Variants in PEX12 observed in about 807,000 individuals in gnomAD.
The protein encoded by PEX12 is peroxisomal biogenesis factor 12.
In PEX12, 31 loss-of-function variants were observed where a neutral mutation model predicts 32.5. That is an observed-to-expected ratio of 0.95 (90% CI 0.72 to 1.29). The LOEUF (loss-of-function observed/expected upper bound fraction) is 1.29. Ranked by LOEUF, PEX12 falls within the 50% of genes most tolerant of loss-of-function variation. The probability of loss-of-function intolerance (pLI) is 0.00; values close to 1 mark genes in which losing one functional copy is unlikely to be tolerated. For synonymous variants in PEX12, 148 were observed against 157.2 expected, an observed-to-expected ratio of 0.94 and a Z score of 0.44; for missense variants, 359 against 419.0, an observed-to-expected ratio of 0.86 and a Z score of 1.25.
intron 2 of PEX12, 91 bp downstream of exon 2, chr17:35,576,947 A>G: frequency 1.8e-6 from 2 of 1,120,242 alleles, no homozygotes; most frequent in Non-Finnish European, 2.7e-6. Context: ...ATGAAATGCC[A>G]CAAAGTTAAC....
At chr17:35,577,710 C>A in intron 1 of PEX12, 119 bp from the exon 2 acceptor site, 4 of 1,298,836 alleles carry the variant, frequency 3.1e-6, no homozygotes, top group Non-Finnish European at 4.4e-6. Context: ...CACTGTTGGA[C>A]CCTGAAATGC....
At position 35,578,168 on chromosome 17, in the gene PEX12, G is replaced by A. The variant is rs559905700; in HGVS notation, c.-147C>T. Reference sequence around the variant, plus strand: ...TGAAACTCGAAACTCAATCTTATGGGCAAAAATGAACTGGGAAAAAAAGAC... The same window carrying A: ...TGAAACTCGAAACTCAATCTTATGGACAAAAATGAACTGGGAAAAAAAGAC... On this transcript the variant is annotated 5_prime_UTR_variant, in exon 1 of 3. Coordinates refer to ENST00000225873, the MANE Select transcript of PEX12 (RefSeq NM_000286.3). The A allele has an allele frequency of 2.4e-5, 25 of 1,032,602 alleles. No individual in the cohort carries two copies. The African/African-American group carries it at 3.6e-4, about 15-fold the overall frequency. The allele number at this position is 1,032,602 out of a possible 1,614,324, so 64.0% of individuals were successfully genotyped here.
At position 35,575,839 on chromosome 17, in the gene PEX12, G is replaced by A; in HGVS notation, c.1023C>T (p.Ile341=). 1 of 1,614,186 alleles carries A rather than the reference G, an allele frequency of 6.2e-7. No individual in the cohort carries two copies. The highest frequency in any genetic ancestry group is 8.5e-7 in the Non-Finnish European group (1 of 1,179,998). Reference sequence around the variant, plus strand: ...GTTGTACTTCTGTTGGATAACCTGTGATGGGACAAGCTTGGTGACTCCTCA... The same window carrying A: ...GTTGTACTTCTGTTGGATAACCTGTAATGGGACAAGCTTGGTGACTCCTCA... ...HYVRSHQACP[I]TGYPTEVQHL... The change falls in exon 3 of 3, where the codon ATC becomes ATT. Residue 341 remains isoleucine, a synonymous_variant. Coordinates refer to ENST00000225873, the MANE Select transcript of PEX12 (RefSeq NM_000286.3).
chr17:35,577,040 C>G lies in PEX12; in HGVS notation c.678G>C (p.Arg226Ser). 2 of 1,613,860 alleles carry G rather than the reference C, an allele frequency of 1.2e-6. No individual in the cohort carries two copies. The highest frequency in any genetic ancestry group is 1.7e-6 in the Non-Finnish European group (2 of 1,179,976). ...AKASMMQQPARSVSEKINSAL... is the reference protein window; with the variant it reads ...AKASMMQQPASSVSEKINSAL... ...TTTTGGAAATGTTAAGGCCTTACCT[C>G]CTGGCTGGTTGCTGCATCATGCTGG... Residue 226 changes from arginine (R) to serine (S), a missense_variant and splice_region_variant, in exon 2 of 3, where the codon AGG becomes AGC. Physicochemically the swap from Arg to Ser is moderately radical, Grantham distance 110. Coordinates refer to ENST00000225873, the MANE Select transcript of PEX12 (RefSeq NM_000286.3).
Position 35,577,188 on chromosome 17 carries a change from T to G in PEX12, c.530A>C (p.Gln177Pro), listed in dbSNP as rs774653352. 1 of 1,614,106 alleles carries G rather than the reference T, an allele frequency of 6.2e-7. No homozygotes were observed. ...TTTTCCTAGGATGTATCGAAGTTGT[T>G]GTACAAGAAACCATCCTTCCCAGGC... ...NMAWEGWFLV[Q>P]QLRYILGKAQ... Residue 177 changes from glutamine to proline, a missense_variant, in exon 2 of 3, where the codon CAA becomes CCA. Coordinates refer to ENST00000225873, the MANE Select transcript of PEX12 (RefSeq NM_000286.3).
chr17:35,578,153 A>G lies in PEX12; in HGVS notation c.-132T>C. 1.7e-6 allele frequency: 2 copies of G among 1,179,356 alleles called. No individual in the cohort carries two copies. The highest frequency in any genetic ancestry group is 3.7e-5 in the Admixed American group (2 of 54,490). The allele number at this position is 1,179,356 out of a possible 1,614,324, so 73.1% of individuals were successfully genotyped here. On this transcript the variant is annotated 5_prime_UTR_variant, in exon 1 of 3. Transcript: ENST00000225873. ...TTTCTGCATGATATCTGAAACTCGA[A>G]ACTCAATCTTATGGGCAAAAATGAA...
In PEX12 at chr17:35,576,246, C is replaced by G. The variant is rs533141936; in HGVS notation, c.681-65G>C. 2.0e-5 allele frequency: 30 copies of G among 1,485,122 alleles called. No homozygotes were observed. In the African/African-American group the frequency reaches 4.1e-4, roughly 20 times the overall value. 92.0% of individuals were successfully genotyped at this position (1,485,122 alleles called of 1,614,324 possible). A position where few individuals can be genotyped will look rare whatever the true frequency, so the allele number is the denominator to read the frequency against. Reference sequence around the variant, plus strand: ...TTATTTAGGTATCATTACAAAGTGACTAATATAAATGCAATTCTTACATTT... The same window carrying G: ...TTATTTAGGTATCATTACAAAGTGAGTAATATAAATGCAATTCTTACATTT... On this transcript the variant is annotated intron_variant, in intron 2 of 2. Coordinates refer to ENST00000225873, the MANE Select transcript of PEX12 (RefSeq NM_000286.3).
rs892593344 is a variant in PEX12 at position 35,575,162 on chromosome 17, A to T, written c.*620T>A. 3 of 154,296 alleles carry T rather than the reference A, an allele frequency of 1.9e-5. No individual in the cohort carries two copies. The highest frequency in any genetic ancestry group is 1.9e-4 in the Admixed American group (3 of 15,666). 9.6% of individuals were successfully genotyped at this position (154,296 alleles called of 1,614,324 possible). A position where few individuals can be genotyped will look rare whatever the true frequency, so the allele number is the denominator to read the frequency against. The stretch of plus-strand genomic sequence containing the variant: ...AGCTCATAAAGGAATATCCTCAAAT[A>T]TCCTAAATATCCAACTTTTAAAATA... On this transcript the variant is annotated 3_prime_UTR_variant, in exon 3 of 3. Transcript: ENST00000225873.
rs762789314 is a variant in PEX12, at chr17:35,575,969, G to A, written c.893C>T (p.Pro298Leu). ...CAGTGGGCACACAGTCTTCATTTTGGGTAAGAGGGGAGAATCAGAGTTATA... is the reference window on the plus strand; with the variant it reads ...CAGTGGGCACACAGTCTTCATTTTGAGTAAGAGGGGAGAATCAGAGTTATA... ...LDYNSDSPLL[P>L]KMKTVCPLCR... Residue 298 changes from proline to leucine, a missense_variant, in exon 3 of 3, where the codon CCC becomes CTC. By Grantham distance (98) the Pro-to-Leu change is moderately conservative. Transcript: ENST00000225873. The A allele has an allele frequency of 1.2e-6, 2 of 1,614,034 alleles. No homozygotes were observed. Among genetic ancestry groups the A allele is most frequent in the African/African-American group, 1.3e-5 (1 of 74,902 alleles).
Position 35,578,180 on chromosome 17 carries a change from T to TG in PEX12, c.-160dup, listed in dbSNP as rs2072799253. The TG allele has an allele frequency of 2.1e-6, 2 of 943,906 alleles. No homozygotes were observed. The highest frequency in any genetic ancestry group is 2.7e-5 in the East Asian group (1 of 37,138). The allele number at this position is 943,906 out of a possible 1,614,324, so 58.5% of individuals were successfully genotyped here. On this transcript the variant is annotated 5_prime_UTR_variant, in exon 1 of 3. Coordinates refer to ENST00000225873, the MANE Select transcript of PEX12 (RefSeq NM_000286.3). The stretch of plus-strand genomic sequence containing the variant: ...CTCAATCTTATGGGCAAAAATGAAC[T>TG]GGGAAAAAAAGACCTGGAGGCCGAG...
chr17:35,575,604 G>T lies in PEX12; in HGVS notation c.*178C>A. ...TCAACTGTAAGTAGGGTTCTAGAGA[G>T]CAGGCTAAAAGGTTAGGATCAAATG... On this transcript the variant is annotated 3_prime_UTR_variant, in exon 3 of 3. Transcript: ENST00000225873. 1 of 675,566 alleles carries T rather than the reference G, an allele frequency of 1.5e-6. No homozygotes were observed. Among genetic ancestry groups the T allele is most frequent in the African/African-American group, 1.8e-5 (1 of 56,548 alleles). The allele number at this position is 675,566 out of a possible 1,614,324, so 41.8% of individuals were successfully genotyped here. A position where few individuals can be genotyped will look rare whatever the true frequency, so the allele number is the denominator to read the frequency against.
In PEX12 at chr17:35,576,126, A is replaced by G. The variant is rs773175740; in HGVS notation, c.736T>C (p.Ser246Pro). The G allele has an allele frequency of 1.9e-6, 3 of 1,614,028 alleles. No homozygotes were observed. The highest frequency in any genetic ancestry group is 1.1e-5 in the South Asian group (1 of 91,094). ...LKKAVGGVAL[S>P]LSTGLSVGVF... is the part of the protein sequence containing the mutation. ...CCCACAGAAAGGCCAGTAGACAGGGATAAGGCAACACCCCCAACAGCTTTC... is the reference window on the plus strand; with the variant it reads ...CCCACAGAAAGGCCAGTAGACAGGGGTAAGGCAACACCCCCAACAGCTTTC... The change falls in exon 3 of 3, where the codon TCC becomes CCC. Residue 246 changes from serine to proline, a missense_variant. By Grantham distance (74) the Ser-to-Pro change is moderately conservative. Coordinates refer to ENST00000225873, the MANE Select transcript of PEX12 (RefSeq NM_000286.3).
chr17:35,577,318 C>T lies in PEX12; in HGVS notation c.400G>A (p.Val134Ile). 6.2e-7 allele frequency: 1 copy of T among 1,614,128 alleles called. No individual in the cohort carries two copies. Among genetic ancestry groups the T allele is most frequent in the Non-Finnish European group, 8.5e-7 (1 of 1,180,026 alleles). Residue 134 changes from valine to isoleucine, a missense_variant, in exon 2 of 3, where the codon GTT becomes ATT. Val to Ile is a conservative substitution (Grantham distance 29). Coordinates refer to ENST00000225873, the MANE Select transcript of PEX12 (RefSeq NM_000286.3). Reference protein sequence around the residue: ...PYLKVKLEKLVSSLREEDEYS... With the variant: ...PYLKVKLEKLISSLREEDEYS... ...TCATCCTCTTCTCTCAGGCTAGAAA[C>T]CAGCTTCTCCAGCTTCACTTTCAGA... is the stretch of plus-strand genomic sequence containing the variant.
chr17:35,577,949 C>G lies in PEX12; in HGVS notation c.73G>C (p.Ala25Pro), dbSNP rs762591605. Reference protein sequence around the residue: ...DDQPSIFEVVAQDSLMTAVRP... With the variant: ...DDQPSIFEVVPQDSLMTAVRP... ...ACTGCTGTCATTAAACTGTCCTGTGCTACCACCTCAAAGATGGATGGCTGG... is the reference window on the plus strand; with the variant it reads ...ACTGCTGTCATTAAACTGTCCTGTGGTACCACCTCAAAGATGGATGGCTGG... Residue 25 changes from alanine to proline, a missense_variant, in exon 1 of 3, where the codon GCA (alanine) becomes CCA (proline). Coordinates refer to ENST00000225873, the MANE Select transcript of PEX12 (RefSeq NM_000286.3). The G allele has an allele frequency of 1.2e-6, 2 of 1,614,188 alleles. No homozygotes were observed. The highest frequency in any genetic ancestry group is 2.7e-5 in the African/African-American group (2 of 75,046).
In PEX12 at chr17:35,578,335, G is replaced by C. The variant is rs1244227914; in HGVS notation, c.-314C>G. ...ACTGTGGGGGACAGGTATGGGGGAAGGAACGCAATCCTCTGGAGCTGCGAA... is the reference window on the plus strand; with the variant it reads ...ACTGTGGGGGACAGGTATGGGGGAACGAACGCAATCCTCTGGAGCTGCGAA... On this transcript the variant is annotated 5_prime_UTR_variant, in exon 1 of 3. Coordinates refer to ENST00000225873, the MANE Select transcript of PEX12 (RefSeq NM_000286.3). 1 of 369,032 alleles carries C rather than the reference G, an allele frequency of 2.7e-6. No individual in the cohort carries two copies. Among genetic ancestry groups the C allele is most frequent in the African/African-American group, 2.1e-5 (1 of 47,244 alleles). The allele number at this position is 369,032 out of a possible 1,614,324, so 22.9% of individuals were successfully genotyped here.
intron 2 of PEX12, among the ~76,000 whole-genome samples, 162 bp downstream of exon 2, chr17:35,576,876 A>C (rs573690623): frequency 1.1e-4 from 16 of 152,310 alleles, no homozygotes; most frequent in African/African-American, 3.8e-4. Flanking sequence ...TAGAATGATG[A>C]AGGTTACCAG....
chr17:35,575,809 C>T lies in PEX12; in HGVS notation c.1053G>A (p.Leu351=). 6.2e-7 allele frequency: 1 copy of T among 1,614,140 alleles called. No homozygotes were observed. Among genetic ancestry groups the T allele is most frequent in the Non-Finnish European group, 8.5e-7 (1 of 1,180,022 alleles). Reference sequence around the variant, plus strand: ...AGTTCTCAGGGGAGTAGAGTTTAATCAGATGTTGTACTTCTGTTGGATAAC... The same window carrying T: ...AGTTCTCAGGGGAGTAGAGTTTAATTAGATGTTGTACTTCTGTTGGATAAC... ...ITGYPTEVQH[L]IKLYSPEN The change falls in exon 3 of 3, where the codon CTG becomes CTA. Residue 351 remains leucine, a synonymous_variant. Coordinates refer to ENST00000225873, the MANE Select transcript of PEX12 (RefSeq NM_000286.3).
intron 2 of PEX12, 138 bp downstream of exon 2, chr17:35,576,900 G>T: frequency 1.3e-6 from 1 of 774,450 alleles, no homozygotes; most frequent in Non-Finnish European, 2.2e-6. Flanking sequence ...GACAGTCCTT[G>T]TTTTATGGAC....
chr17:35,577,847 G>GT (rs2072796191), intron 1 of PEX12, 49 bp downstream of exon 1: 1 of 1,612,108 alleles, frequency 6.2e-7, no homozygotes, highest in Non-Finnish European at 8.5e-7. Context: ...TTATTCGTTT[G>GT]TTTTTTACCC....
Sources: allele counts gnomAD v4.1 joint callset (sites outside exome capture counted in the v4.1 genomes callset), GRCh38; gene constraint gnomAD v4.1.1; transcripts MANE v1.5; gene names NCBI Gene and HGNC (gene_info 2026-07-23, HGNC 2026-07-21).